CAPN7: variants seen among roughly 807,000 people sequenced by gnomAD.
CAPN7 encodes the protein calpain-7.
A neutral mutation model predicts 115.2 loss-of-function variants in CAPN7; 72 were observed. The observed-to-expected ratio is 0.63, with a 90% CI of 0.52 to 0.76. The LOEUF (loss-of-function observed/expected upper bound fraction) is 0.76, where lower values mean the gene tolerates loss of function less well. Ranked by LOEUF, CAPN7 falls within the 30% of genes least tolerant of loss-of-function variation. The pLI is 0.00. For missense variants in CAPN7, 905 were observed against 971.5 expected (o/e 0.93, Z 0.91); for synonymous variants, 344 against 322.3 (o/e 1.07, Z -0.72).
At chr3:15,249,519 ATTATT>A (rs1695874851) in intron 19 of CAPN7, among the ~76,000 whole-genome samples, 1 of 152,112 alleles carries the variant, frequency 6.6e-6, no homozygotes, top group South Asian at 2.1e-4. Flanking sequence ...CCATATTCTG[ATTATT>A]TTATGGTTCA....
intron 8 of CAPN7, among the ~76,000 whole-genome samples, chr3:15,229,494 GT>G (rs1694536710): frequency 7.1e-6 from 1 of 141,652 alleles, no homozygotes; most frequent in Non-Finnish European, 1.5e-5. Context: ...TCATTTTTGT[GT>G]TGATTATATG....
chr3:15,206,446 C>T lies in CAPN7; in HGVS notation c.-50C>T, dbSNP rs761448579. On this transcript the variant is annotated 5_prime_UTR_variant, in exon 1 of 21. Transcript: ENST00000253693. ...CGGGCCGCCGCAGTCCGCGAAGAGC[C>T]GTCCTGCGTCAGGGCCTCCTTCCCT... 12 of 1,384,190 alleles carry T rather than the reference C, an allele frequency of 8.7e-6. No homozygotes were observed. Among genetic ancestry groups the T allele is most frequent in the Non-Finnish European group, 1.2e-5 (12 of 1,007,788 alleles). 85.7% of individuals were successfully genotyped at this position (1,384,190 alleles called of 1,614,324 possible).
intron 3 of CAPN7, among the ~76,000 whole-genome samples, chr3:15,218,066 A>T (rs1693744832): frequency 6.6e-6 from 1 of 152,132 alleles, no homozygotes; most frequent in Non-Finnish European, 1.5e-5. Context: ...TGACAGGAGG[A>T]TGAGGTAAAG....
chr3:15,251,180 A>C lies in CAPN7; in HGVS notation c.2362A>C (p.Thr788Pro). The C allele has an allele frequency of 6.2e-7, 1 of 1,606,774 alleles. No homozygotes were observed. Among genetic ancestry groups the C allele is most frequent in the Non-Finnish European group, 8.5e-7 (1 of 1,173,996 alleles). The change falls in exon 21 of 21, where the codon ACC becomes CCC. Residue 788 changes from threonine to proline, a missense_variant. By Grantham distance (38) the Thr-to-Pro change is conservative. Around this residue, in one of 3 missense-constraint regions of CAPN7, gnomAD observed 620 missense variants for 703.4 expected, o/e 0.88. Transcript: ENST00000253693. ...TGGGATCTTCAATATCATTCCTAGT[A>C]CCTTTTTGCCTAAACAAGAAGGACC... ...PSGIFNIIPSTFLPKQEGPFF... is the reference protein window; with the variant it reads ...PSGIFNIIPSPFLPKQEGPFF...
intron 12 of CAPN7, among the ~76,000 whole-genome samples, chr3:15,239,403 A>G (rs189080292): frequency 1.3e-5 from 2 of 152,332 alleles, no homozygotes; most frequent in East Asian, 1.9e-4. Flanking sequence ...TCCCGAATCA[A>G]TGTAATCAAT....
chr3:15,212,210 C>T lies in CAPN7; in HGVS notation c.209C>T (p.Ala70Val), dbSNP rs780651270. Reference protein sequence around the residue: ...YLERVQALHSAVQSKSADPLK... With the variant: ...YLERVQALHSVVQSKSADPLK... ...GAAAGAGTTCAAGCTCTACATTCAG[C>T]AGGTTAGTAAAGGACTACTAAACTT... The change falls in exon 2 of 21, where the codon GCA (alanine) becomes GTA (valine). Residue 70 changes from alanine (A) to valine (V), a missense_variant and splice_region_variant. This residue lies in a region of CAPN7 where 271 missense variants were observed against 239.6 expected (regional missense o/e 1.13). Coordinates refer to ENST00000253693, the MANE Select transcript of CAPN7 (RefSeq NM_014296.3). 1.3e-6 allele frequency: 2 copies of T among 1,567,406 alleles called. No homozygotes were observed. The highest frequency in any genetic ancestry group is 2.3e-5 in the South Asian group (2 of 87,962).
At chr3:15,210,966 A>G (rs2124865159) in intron 1 of CAPN7, 1 of 1,137,156 alleles carries the variant, frequency 8.8e-7, no homozygotes, top group South Asian at 1.8e-5. Context: ...TCTAGGTGGT[A>G]GCATTGGTAA....
chr3:15,245,510 A>G lies in CAPN7; in HGVS notation c.1865-16A>G, dbSNP rs1695605878. ...GAAAAGTCTCCTTTTCTCTAAGCCT[A>G]CTTGTTTGTTTGCAGCTGACCCACC... is the stretch of plus-strand genomic sequence containing the variant. On this transcript the variant is annotated splice_polypyrimidine_tract_variant and intron_variant, in intron 16 of 20. Transcript: ENST00000253693. The G allele has an allele frequency of 1.1e-5, 17 of 1,604,542 alleles. No homozygotes were observed. Among genetic ancestry groups the G allele is most frequent in the Non-Finnish European group, 1.4e-5 (17 of 1,176,398 alleles).
At chr3:15,242,157 T>C (rs766426275) in intron 15 of CAPN7, 21 bp from the exon 16 acceptor site, 1 of 1,543,124 alleles carries the variant, frequency 6.5e-7, no homozygotes, top group Admixed American at 1.8e-5. Context: ...TCTAACCACA[T>C]TGGATTCTTT....
At chr3:15,218,165 G>A (rs1389802193) in intron 3 of CAPN7, among the ~76,000 whole-genome samples, 1 of 152,146 alleles carries the variant, frequency 6.6e-6, no homozygotes, top group African/African-American at 2.4e-5. Context: ...ATTTCTGTAG[G>A]TGCCTTGAGA....
rs1479928838 is a variant in CAPN7, at chr3:15,250,838, CTT to C, written c.2205-92_2205-91del. 4.7e-6 allele frequency: 4 copies of C among 845,422 alleles called. No individual in the cohort carries two copies. The African/African-American group carries it at 5.2e-5, about 11-fold the overall frequency. 52.4% of individuals were successfully genotyped at this position (845,422 alleles called of 1,614,324 possible). On this transcript the variant is annotated intron_variant, in intron 19 of 20. Coordinates refer to ENST00000253693, the MANE Select transcript of CAPN7 (RefSeq NM_014296.3). ...TCTACTGAAACTTCAGAAACATAAA[CTT>C]AGTATGACATCTGCACTTCAGATAA...
intron 6 of CAPN7, 91 bp downstream of exon 6, chr3:15,223,652 T>A: frequency 1.2e-6 from 1 of 811,656 alleles, no homozygotes; most frequent in Non-Finnish European, 2.0e-6. Flanking sequence ...TTAAAATTTG[T>A]AATAAAAAAA....
chr3:15,223,786 C>G (rs1694140449), intron 6 of CAPN7, among the ~76,000 whole-genome samples: 2 of 152,140 alleles, frequency 1.3e-5, no homozygotes, highest in South Asian at 2.1e-4. Context: ...TCTGTAGTGT[C>G]TAGCACAGTA....
Position 15,251,337 on chromosome 3 carries a change from A to G in CAPN7, c.*77A>G. ...AAATAAGGACGCAAATCTTCAGGAC[A>G]GTAAGCAGAACAATCAGAATGGAAT... On this transcript the variant is annotated 3_prime_UTR_variant, in exon 21 of 21. Coordinates refer to ENST00000253693, the MANE Select transcript of CAPN7 (RefSeq NM_014296.3). 2 of 1,178,094 alleles carry G rather than the reference A, an allele frequency of 1.7e-6. No homozygotes were observed. Among genetic ancestry groups the G allele is most frequent in the Non-Finnish European group, 2.4e-6 (2 of 829,964 alleles). The allele number at this position is 1,178,094 out of a possible 1,614,324, so 73.0% of individuals were successfully genotyped here.
At chr3:15,211,999 T>C (rs775714211) in intron 1 of CAPN7, 105 bp from the exon 2 acceptor site, 10 of 512,884 alleles carry the variant, frequency 1.9e-5, no homozygotes, top group Non-Finnish European at 3.4e-5. Context: ...TTTAAAGACA[T>C]TCTTGTTTTG....
Position 15,210,783 on chromosome 3 carries a change from CT to C in CAPN7, c.103-1317del, listed in dbSNP as rs1210758883. ...CATGTTGCCCAGGCTGAAAACTGCA[CT>C]TTTCTTAATTTTGTTAGGTTCAGTG... On this transcript the variant is annotated intron_variant, in intron 1 of 20. Coordinates refer to ENST00000253693, the MANE Select transcript of CAPN7 (RefSeq NM_014296.3). 10 of 1,289,246 alleles carry C rather than the reference CT, an allele frequency of 7.8e-6. No individual in the cohort carries two copies. In the African/African-American group the frequency reaches 9.1e-5, roughly 12 times the overall value. The allele number at this position is 1,289,246 out of a possible 1,614,324, so 79.9% of individuals were successfully genotyped here. A position where few individuals can be genotyped will look rare whatever the true frequency, so the allele number is the denominator to read the frequency against.
chr3:15,240,570 A>T lies in CAPN7; in HGVS notation c.1505A>T (p.Gln502Leu). 1 of 1,612,586 alleles carries T rather than the reference A, an allele frequency of 6.2e-7. No individual in the cohort carries two copies. The highest frequency in any genetic ancestry group is 8.5e-7 in the Non-Finnish European group (1 of 1,179,606). The change falls in exon 13 of 21, where the codon CAA (glutamine) becomes CTA (leucine). Residue 502 changes from glutamine (Q) to leucine (L), a missense_variant. Gln to Leu is a moderately radical substitution (Grantham distance 113). Coordinates refer to ENST00000253693, the MANE Select transcript of CAPN7 (RefSeq NM_014296.3). ...GTAAAAAACTGGACTCCAGAGTTGCAAAAGTATTTAAACTTTGATCCCCGA... is the reference window on the plus strand; with the variant it reads ...GTAAAAAACTGGACTCCAGAGTTGCTAAAGTATTTAAACTTTGATCCCCGA... ...NDVKNWTPEL[Q>L]KYLNFDPRTA...
intron 7 of CAPN7, 21 bp downstream of exon 7, chr3:15,227,986 A>AT (rs1694427843): frequency 1.4e-6 from 2 of 1,401,510 alleles, no homozygotes; most frequent in South Asian, 3.7e-5. Context: ...ATTTTGTATG[A>AT]TTTTATAGAA....
chr3:15,213,546 C>G (rs911967799), intron 2 of CAPN7, among the ~76,000 whole-genome samples: 5 of 152,206 alleles, frequency 3.3e-5, no homozygotes, highest in Admixed American at 3.3e-4. Context: ...AGTAGAATCT[C>G]TGGCAGCCTA....
Sources: gnomAD v4.1 joint callset for allele counts (sites outside exome capture counted in the v4.1 genomes callset) on GRCh38, gnomAD v4.1.1 for gene constraint, gnomAD v4.1.1 regional missense constraint, MANE v1.5 for transcripts, NCBI Gene and HGNC (gene_info 2026-07-23, HGNC 2026-07-21) for gene names.